TANGO6: variants seen among roughly 807,000 people sequenced by gnomAD.
The protein encoded by TANGO6 is transport and golgi organization 6 homolog, also known as transport and Golgi organization protein 6 homolog.
In TANGO6, 90 loss-of-function variants were observed where a neutral mutation model predicts 114.2. The ratio of observed to expected loss-of-function variants is 0.79; its 90% confidence interval spans 0.66 to 0.94. The LOEUF is 0.94. Ranked by LOEUF, TANGO6 falls within the 40% of genes least tolerant of loss-of-function variation. TANGO6 has a pLI of 0.00. For synonymous variants in TANGO6, 477 were observed against 509.8 expected (o/e 0.94, Z 0.87); for missense variants, 1,274 against 1,315.3 (o/e 0.97, Z 0.49).
chr16:69,049,698 C>A (rs568015811), intron 17 of TANGO6, among the ~76,000 whole-genome samples: 1 of 152,180 alleles, frequency 6.6e-6, no homozygotes, highest in African/African-American at 2.4e-5. Context: ...GCCCAGCCTC[C>A]CAAAATGCTA....
intron 11 of TANGO6, among the ~76,000 whole-genome samples, chr16:68,913,523 C>T (rs1962957701): frequency 6.6e-6 from 1 of 150,454 alleles, no homozygotes; most frequent in African/African-American, 2.4e-5. Flanking sequence ...ATTCTTGTGC[C>T]TCAGCCTCCC....
At chr16:69,031,011 G>T (rs957626581) in intron 16 of TANGO6, among the ~76,000 whole-genome samples, 5 of 151,820 alleles carry the variant, frequency 3.3e-5, no homozygotes, top group African/African-American at 1.2e-4. Context: ...AACCAATATC[G>T]CACCACTACA....
chr16:69,001,750 A>G (rs1339669822), intron 15 of TANGO6, among the ~76,000 whole-genome samples: 2 of 152,232 alleles, frequency 1.3e-5, no homozygotes, highest in Admixed American at 1.3e-4. Flanking sequence ...ATTTCACTGC[A>G]AAGACGTTCC....
At chr16:68,878,488 C>A (rs1288282593) in intron 6 of TANGO6, among the ~76,000 whole-genome samples, 1 of 152,100 alleles carries the variant, frequency 6.6e-6, no homozygotes, top group East Asian at 1.9e-4. Flanking sequence ...AATAACTTTA[C>A]ATTTTGGCCA....
intron 14 of TANGO6, among the ~76,000 whole-genome samples, chr16:68,959,901 G>A (rs1201342373): frequency 3.3e-5 from 5 of 152,176 alleles, no homozygotes; most frequent in Non-Finnish European, 7.3e-5. Flanking sequence ...AGAAAACTTA[G>A]GGGAAAAATA....
chr16:68,873,673 A>G (rs1437649984), intron 4 of TANGO6, among the ~76,000 whole-genome samples: 2 of 152,166 alleles, frequency 1.3e-5, no homozygotes, highest in Non-Finnish European at 2.9e-5. Context: ...ATTCCTTTTT[A>G]TGACTGAATA....
intron 7 of TANGO6, among the ~76,000 whole-genome samples, chr16:68,893,886 A>G (rs1452787450): frequency 2.6e-5 from 4 of 151,756 alleles, no homozygotes; most frequent in Admixed American, 2.6e-4. Context: ...CGCCCCAACT[A>G]GAAAGAGACT....
At position 68,875,113 on chromosome 16, in the gene TANGO6, G is replaced by T. The variant is rs746037640; in HGVS notation, c.995-41G>T. The T allele has an allele frequency of 5.7e-6, 9 of 1,569,820 alleles. No individual in the cohort carries two copies. In the African/African-American group the frequency reaches 1.2e-4, roughly 21 times the overall value. The stretch of plus-strand genomic sequence containing the variant: ...TTTGTTACATGGGACCTTCTGTGGG[G>T]AATTGCTGTGAGCTGCTAACATCTC... On this transcript the variant is annotated intron_variant, in intron 4 of 17. Coordinates refer to ENST00000261778, the MANE Select transcript of TANGO6 (RefSeq NM_024562.2).
chr16:69,064,807 T>C (rs1354070108), intron 17 of TANGO6, among the ~76,000 whole-genome samples: 1 of 152,166 alleles, frequency 6.6e-6, no homozygotes, highest in Admixed American at 6.5e-5. Flanking sequence ...TGAAATGTAG[T>C]AAACACTCAA....
At chr16:68,843,775 G>A in intron 1 of TANGO6, 64 bp downstream of exon 1, 2 of 1,539,062 alleles carry the variant, frequency 1.3e-6, no homozygotes, top group African/African-American at 1.4e-5. Flanking sequence ...GGCTTCCGGG[G>A]CTGCCCTGCC....
intron 1 of TANGO6, among the ~76,000 whole-genome samples, chr16:68,849,052 G>A (rs1347194986): frequency 6.6e-6 from 1 of 152,114 alleles, no homozygotes; most frequent in Non-Finnish European, 1.5e-5. Context: ...TTGAAATTAT[G>A]GGCCGAGTGC....
In TANGO6 at chr16:68,901,882, T is replaced by G. The variant is rs187363671; in HGVS notation, c.1491-446T>G. ...ATGTGAACGATGATTTAGTTCCTCT[T>G]CTAGTTGATTGGCACAGATGAAAGG... On this transcript the variant is annotated intron_variant, in intron 8 of 17. Coordinates refer to ENST00000261778, the MANE Select transcript of TANGO6 (RefSeq NM_024562.2). Among the ~76,000 whole-genome samples, 201 of 152,208 alleles carry G rather than the reference T, an allele frequency of 1.3e-3. 1 individual carries two copies. The highest frequency in any genetic ancestry group is 2.9e-4 in the Non-Finnish European group (20 of 68,000).
At chr16:69,063,814 A>C (rs138487720) in intron 17 of TANGO6, among the ~76,000 whole-genome samples, 28,803 of 81,596 alleles carry the variant, frequency 0.35, 3,254 homozygotes, top group African/African-American at 0.4. Flanking sequence ...TCTTCTTATT[A>C]TTATTATTAT....
chr16:69,039,391 C>T (rs1959739789), intron 16 of TANGO6, among the ~76,000 whole-genome samples: 1 of 151,000 alleles, frequency 6.6e-6, no homozygotes, highest in Non-Finnish European at 1.5e-5. Context: ...ATCCTAGCAC[C>T]TTGGGAGGCC....
At chr16:68,879,941 A>G (rs1962431109) in intron 6 of TANGO6, among the ~76,000 whole-genome samples, 1 of 145,622 alleles carries the variant, frequency 6.9e-6, no homozygotes, top group Non-Finnish European at 1.5e-5. Context: ...ATTTCATCCA[A>G]TCCCCAATTT....
rs765325312 is a variant in TANGO6, at chr16:68,902,285, G to T, written c.1491-43G>T. ...TTTTATGTTAGCTTGTTAGATGCAT[G>T]GAGTAAGATGACAAGCTCATTCATA... On this transcript the variant is annotated intron_variant, in intron 8 of 17. Coordinates refer to ENST00000261778, the MANE Select transcript of TANGO6 (RefSeq NM_024562.2). The T allele has an allele frequency of 1.4e-5, 21 of 1,548,440 alleles. No individual in the cohort carries two copies. In the Admixed American group the frequency reaches 4.2e-4, roughly 31 times the overall value.
At chr16:69,038,863 C>T (rs35299496) in intron 16 of TANGO6, among the ~76,000 whole-genome samples, 3 of 151,912 alleles carry the variant, frequency 2.0e-5, no homozygotes, top group East Asian at 1.9e-4. Flanking sequence ...GCCAACATAG[C>T]GAAACTCCAT....
chr16:68,869,241 T>G (rs1297904435), intron 4 of TANGO6, among the ~76,000 whole-genome samples: 3 of 152,192 alleles, frequency 2.0e-5, no homozygotes, highest in Non-Finnish European at 2.9e-5. Context: ...CCCAACACTT[T>G]GGGAGGCCAA....
chr16:68,860,574 G>A (rs746996389), intron 2 of TANGO6, 50 bp downstream of exon 2: 126 of 1,585,804 alleles, frequency 7.9e-5, no homozygotes, highest in Non-Finnish European at 1.0e-4. Flanking sequence ...GTGTATGAAT[G>A]TGTGTATATA....
Sources: gnomAD v4.1 joint callset for allele counts (sites outside exome capture counted in the v4.1 genomes callset) on GRCh38, gnomAD v4.1.1 for gene constraint, MANE v1.5 for transcripts, NCBI Gene and HGNC (gene_info 2026-07-23, HGNC 2026-07-21) for gene names.